The following LIMCH1 variants were observed in gnomAD, a reference collection of about 807,000 sequenced individuals.
LIMCH1 encodes the protein LIM and calponin homology domains-containing protein 1.
In LIMCH1, 113 loss-of-function variants were observed where a neutral mutation model predicts 176.5. That is an observed-to-expected ratio of 0.64 (90% CI 0.55 to 0.75). The LOEUF is 0.75. Ranked by LOEUF, LIMCH1 falls within the 30% of genes least tolerant of loss-of-function variation. The pLI is 0.00. For synonymous variants in LIMCH1, 619 were observed against 645.9 expected (o/e 0.96, Z 0.63); for missense variants, 1,674 against 1,814.9 (o/e 0.92, Z 1.41).
chr4:41,670,846 G>T (rs2094992118), intron 21 of LIMCH1: 1 of 1,532,182 alleles, frequency 6.5e-7, no homozygotes, highest in South Asian at 1.2e-5. Flanking sequence ...CCATGTTGGG[G>T]CGATCAATGA....
At chr4:41,532,614 C>T (rs923673567) in intron 3 of LIMCH1, among the ~76,000 whole-genome samples, 3 of 152,098 alleles carry the variant, frequency 2.0e-5, no homozygotes, top group Admixed American at 6.5e-5. Context: ...TAGGTTGGAC[C>T]GGGTGAAGGG....
intron 3 of LIMCH1, among the ~76,000 whole-genome samples, chr4:41,528,982 C>G (rs1261372052): frequency 6.6e-6 from 1 of 152,188 alleles, no homozygotes; most frequent in African/African-American, 2.4e-5. Context: ...TCTTCTGCAA[C>G]GATTGCTGAC....
chr4:41,583,422 G>A (rs920433703), intron 1 of LIMCH1, among the ~76,000 whole-genome samples: 1 of 152,166 alleles, frequency 6.6e-6, no homozygotes, highest in African/African-American at 2.4e-5. Context: ...ACTCGTTTTA[G>A]TTGCCAAGAA....
intron 1 of LIMCH1, among the ~76,000 whole-genome samples, chr4:41,409,973 A>T (rs568878540): frequency 6.6e-6 from 1 of 152,366 alleles, no homozygotes; most frequent in African/African-American, 2.4e-5. Context: ...AGAGAAAAAC[A>T]TGCTAACAGT....
At chr4:41,362,225 G>A (rs1019525881) in intron 1 of LIMCH1, among the ~76,000 whole-genome samples, 1 of 152,230 alleles carries the variant, frequency 6.6e-6, no homozygotes, top group Non-Finnish European at 1.5e-5. Context: ...AGAAACATCT[G>A]TTTGAAAATA....
At chr4:41,655,468 T>A (rs1293326976) in intron 18 of LIMCH1, among the ~76,000 whole-genome samples, 1 of 152,218 alleles carries the variant, frequency 6.6e-6, no homozygotes, top group Non-Finnish European at 1.5e-5. Context: ...AGGCAATCAG[T>A]ATGAAGTTTT....
chr4:41,494,370 C>T (rs771495133), intron 1 of LIMCH1, among the ~76,000 whole-genome samples: 35 of 150,100 alleles, frequency 2.3e-4, no homozygotes, highest in Non-Finnish European at 4.9e-4. Context: ...CATACACATA[C>T]ATATATACAC....
intron 1 of LIMCH1, among the ~76,000 whole-genome samples, chr4:41,574,494 G>T (rs572277993): frequency 6.6e-6 from 1 of 151,818 alleles, no homozygotes; most frequent in East Asian, 1.9e-4. Flanking sequence ...TTACCATGTT[G>T]GCCAGGCTGG....
intron 1 of LIMCH1, among the ~76,000 whole-genome samples, chr4:41,373,436 C>T (rs575549217): frequency 3.5e-4 from 53 of 152,322 alleles, no homozygotes; most frequent in Admixed American, 1.2e-3. Flanking sequence ...CTTCTTGGCC[C>T]GGCCTGGGCC....
intron 1 of LIMCH1, among the ~76,000 whole-genome samples, chr4:41,404,606 C>T (rs191687711): frequency 1.7e-4 from 26 of 151,902 alleles, no homozygotes; most frequent in South Asian, 4.2e-4. Context: ...GATGAAACCC[C>T]GTCTCTACTA....
chr4:41,633,073 G>A lies in LIMCH1; in HGVS notation c.1817G>A (p.Ser606Asn), dbSNP rs1174133120. 1.3e-6 allele frequency: 2 copies of A among 1,534,560 alleles called. No individual in the cohort carries two copies. Among genetic ancestry groups the A allele is most frequent in the Admixed American group, 2.0e-5 (1 of 51,006 alleles). Reference sequence around the variant, plus strand: ...TCAAAGGCAGAAAGATCAGAGGACAGCAGCCAGCCACTGTGAGCATCTTGC... The same window carrying A: ...TCAAAGGCAGAAAGATCAGAGGACAACAGCCAGCCACTGTGAGCATCTTGC... ...RLSKAERSED[S>N]SQPLVCPLAS... The change falls in exon 12 of 32, where the codon AGC becomes AAC. Residue 606 changes from serine to asparagine, a missense_variant. This residue lies in a region of LIMCH1 where 1,015 missense variants were observed against 1,102.5 expected (regional missense o/e 0.92). Transcript: ENST00000503057.
chr4:41,376,776 C>T (rs902729643), intron 1 of LIMCH1, among the ~76,000 whole-genome samples: 2 of 152,092 alleles, frequency 1.3e-5, no homozygotes, highest in Admixed American at 6.5e-5. Context: ...AAATTTCTTA[C>T]GTTTTCGTTC....
chr4:41,645,072 T>C (rs1255207065), intron 15 of LIMCH1, among the ~76,000 whole-genome samples: 4 of 152,214 alleles, frequency 2.6e-5, no homozygotes, highest in Non-Finnish European at 4.4e-5. Context: ...GCAACTCTTA[T>C]TGTCCTCGAT....
intron 1 of LIMCH1, among the ~76,000 whole-genome samples, chr4:41,398,581 G>T (rs184261431): frequency 6.2e-4 from 95 of 152,222 alleles, no homozygotes; most frequent in African/African-American, 2.2e-3. Context: ...GGGAAAATGC[G>T]AACAGTGCGT....
At position 41,633,704 on chromosome 4, in the gene LIMCH1, C is replaced by T; in HGVS notation, c.1986C>T (p.Ser662=). ...TGATGGCCAGGAGAACTGGGATGTC[C>T]CTTAGACACACTGGATCCAACCCAA... is the stretch of plus-strand genomic sequence containing the variant. ...DDMMARRTGM[S]LRHTGSNPNQ... Residue 662 remains serine, a synonymous_variant, in exon 13 of 32, where the codon TCC becomes TCT. Coordinates refer to ENST00000503057, the MANE Select transcript of LIMCH1 (RefSeq NM_001330672.2). 1 of 1,536,180 alleles carries T rather than the reference C, an allele frequency of 6.5e-7. No homozygotes were observed. Among genetic ancestry groups the T allele is most frequent in the Non-Finnish European group, 8.7e-7 (1 of 1,146,922 alleles).
chr4:41,585,770 C>G (rs1363796527), intron 1 of LIMCH1, among the ~76,000 whole-genome samples: 1 of 152,032 alleles, frequency 6.6e-6, no homozygotes, highest in East Asian at 1.9e-4. Flanking sequence ...TTTGATTTGC[C>G]TGTTATTATT....
At chr4:41,396,182 G>T (rs144683648) in intron 1 of LIMCH1, among the ~76,000 whole-genome samples, 6 of 152,286 alleles carry the variant, frequency 3.9e-5, no homozygotes, top group African/African-American at 1.4e-4. Context: ...TCCTGTGTGA[G>T]TTGCATCCTA....
At chr4:41,389,867 A>T (rs2057001244) in intron 1 of LIMCH1, among the ~76,000 whole-genome samples, 1 of 152,090 alleles carries the variant, frequency 6.6e-6, no homozygotes, top group Non-Finnish European at 1.5e-5. Context: ...ACCAAGACAG[A>T]CGTAGTCAAT....
Position 41,680,199 on chromosome 4 carries a change from C to A in LIMCH1, c.3612+101C>A, listed in dbSNP as rs761556743. The stretch of plus-strand genomic sequence containing the variant: ...GGCATGCGGATGCATGTGGCTGTGT[C>A]TGACTCTTTACTGACAGCAGAATCC... On this transcript the variant is annotated intron_variant, in intron 24 of 31. Coordinates refer to ENST00000503057, the MANE Select transcript of LIMCH1 (RefSeq NM_001330672.2). 6 of 778,402 alleles carry A rather than the reference C, an allele frequency of 7.7e-6. No individual in the cohort carries two copies. The African/African-American group carries it at 8.6e-5, about 11-fold the overall frequency. 48.2% of individuals were successfully genotyped at this position (778,402 alleles called of 1,614,324 possible).
Sources: gnomAD v4.1 joint callset for allele counts (sites outside exome capture counted in the v4.1 genomes callset) on GRCh38, gnomAD v4.1.1 for gene constraint, gnomAD v4.1.1 regional missense constraint, MANE v1.5 for transcripts, NCBI Gene and HGNC (gene_info 2026-07-23, HGNC 2026-07-21) for gene names.